CMSS1: variants seen among roughly 807,000 people sequenced by gnomAD.
CMSS1 encodes the protein protein CMSS1.
A neutral mutation model predicts 43.5 loss-of-function variants in CMSS1; 33 were observed. The observed-to-expected ratio is 0.76, with a 90% CI of 0.57 to 1.01. The LOEUF (loss-of-function observed/expected upper bound fraction) is 1.01. Ranked by LOEUF, CMSS1 falls within the 50% of genes least tolerant of loss-of-function variation. The pLI is 0.00. For synonymous variants in CMSS1, 115 were observed against 117.2 expected (o/e 0.98, Z 0.12); for missense variants, 313 against 326.4 (o/e 0.96, Z 0.32).
chr3:99,895,029 G>A (rs1267333991), intron 1 of CMSS1, among the ~76,000 whole-genome samples: 1 of 152,060 alleles, frequency 6.6e-6, no homozygotes, highest in Non-Finnish European at 1.5e-5. Context: ...GCAGCCTCAG[G>A]CCAACTAACC....
chr3:99,866,522 C>G (rs1327382952), intron 1 of CMSS1, among the ~76,000 whole-genome samples: 1 of 152,060 alleles, frequency 6.6e-6, no homozygotes. Flanking sequence ...ACATTTTGAT[C>G]CTTAGAGGAC....
chr3:100,112,147 T>C (rs1008614669), intron 1 of CMSS1, among the ~76,000 whole-genome samples: 18 of 152,238 alleles, frequency 1.2e-4, no homozygotes, highest in African/African-American at 4.3e-4. Flanking sequence ...TTACTGTGTA[T>C]TGCTGGTAGG....
intron 1 of CMSS1, among the ~76,000 whole-genome samples, chr3:100,079,055 C>T (rs936715296): frequency 1.3e-5 from 2 of 152,144 alleles, no homozygotes; most frequent in Non-Finnish European, 2.9e-5. Flanking sequence ...ATGAGGTGGG[C>T]AAGACCTCTG....
chr3:99,872,186 C>A (rs1192989291), intron 1 of CMSS1, among the ~76,000 whole-genome samples: 1 of 151,146 alleles, frequency 6.6e-6, no homozygotes, highest in Non-Finnish European at 1.5e-5. Context: ...ACATCAGTTT[C>A]TTCTGTAAAG....
At chr3:99,949,946 AT>A (rs1424854626) in intron 1 of CMSS1, among the ~76,000 whole-genome samples, 2 of 152,188 alleles carry the variant, frequency 1.3e-5, no homozygotes, top group East Asian at 3.8e-4. Flanking sequence ...CTTTATACAT[AT>A]TCTTGGATAT....
intron 1 of CMSS1, among the ~76,000 whole-genome samples, chr3:99,983,456 A>ATGTG (rs1709213536): frequency 1.0e-4 from 1 of 9,868 alleles, no homozygotes; most frequent in African/African-American, 3.8e-4. Flanking sequence ...GTATATATAT[A>ATGTG]TATGTGTGTA....
chr3:99,888,432 T>C (rs947024020), intron 1 of CMSS1, among the ~76,000 whole-genome samples: 2 of 152,122 alleles, frequency 1.3e-5, no homozygotes, highest in African/African-American at 2.4e-5. Flanking sequence ...AATTATGATT[T>C]ACCAAAGGTT....
chr3:100,118,380 TA>T (rs2066593398), intron 1 of CMSS1, among the ~76,000 whole-genome samples: 1 of 152,076 alleles, frequency 6.6e-6, no homozygotes, highest in South Asian at 2.1e-4. Flanking sequence ...ATTAGTTATT[TA>T]AGAGATTTTG....
At chr3:100,019,457 T>G (rs2064765090) in intron 1 of CMSS1, among the ~76,000 whole-genome samples, 1 of 152,206 alleles carries the variant, frequency 6.6e-6, no homozygotes, top group South Asian at 2.1e-4. Context: ...GTGATGACAT[T>G]TAAAAAATAA....
At position 99,983,430 on chromosome 3, in the gene CMSS1, ATGTATATATATGTATG is replaced by A. The variant is rs1559713508; in HGVS notation, c.65-163541_65-163526del. On this transcript the variant is annotated intron_variant, in intron 1 of 9. Coordinates refer to ENST00000421999, the MANE Select transcript of CMSS1 (RefSeq NM_032359.4). ...TATATATATATATATGTATGTATGT[ATGTATATATATGTATG>A]TATATATATATATGTGTGTATATAT... Among the ~76,000 whole-genome samples the A allele has an allele frequency of 4.3e-5, 4 of 93,774 alleles. 1 individual carries two copies. The highest frequency in any genetic ancestry group is 1.9e-4 in the African/African-American group (4 of 21,404). 61.5% of individuals were successfully genotyped at this position (93,774 alleles called of 152,430 possible).
intron 1 of CMSS1, among the ~76,000 whole-genome samples, chr3:100,005,758 T>C (rs1709969099): frequency 6.6e-6 from 1 of 152,140 alleles, no homozygotes; most frequent in East Asian, 1.9e-4. Context: ...AGGAAGAGTG[T>C]TGTGAATTCA....
Position 100,011,539 on chromosome 3 carries a change from T to C in CMSS1, c.65-135434T>C, listed in dbSNP as rs138955089. ...ATTTTATAAACTAAATACCTGACAA[T>C]TTATATCTATAAAGCCTGTTGAGAT... On this transcript the variant is annotated intron_variant, in intron 1 of 9. Coordinates refer to ENST00000421999, the MANE Select transcript of CMSS1 (RefSeq NM_032359.4). Among the ~76,000 whole-genome samples the C allele has an allele frequency of 7.3e-3, 1,107 of 152,322 alleles. 7 individuals are homozygous for C. The highest frequency in any genetic ancestry group is 0.012 in the Non-Finnish European group (806 of 68,024).
chr3:100,001,792 C>G (rs1204788308), intron 1 of CMSS1, among the ~76,000 whole-genome samples: 1 of 152,200 alleles, frequency 6.6e-6, no homozygotes, highest in Non-Finnish European at 1.5e-5. Context: ...TGCCAAGCCT[C>G]ATAAATCATT....
chr3:100,067,610 AAAG>A (rs555026535), intron 1 of CMSS1, among the ~76,000 whole-genome samples: 188 of 152,342 alleles, frequency 1.2e-3, no homozygotes, highest in African/African-American at 4.1e-3. Flanking sequence ...CCTTAGGGGG[AAAG>A]AAGAACAACT....
At chr3:100,005,096 T>C (rs1343189989) in intron 1 of CMSS1, among the ~76,000 whole-genome samples, 1 of 152,158 alleles carries the variant, frequency 6.6e-6, no homozygotes, top group Non-Finnish European at 1.5e-5. Context: ...CTCTTATGAA[T>C]AGGAAAGCCA....
intron 1 of CMSS1, among the ~76,000 whole-genome samples, chr3:99,896,073 CCTT>C (rs1252081509): frequency 6.6e-6 from 1 of 152,070 alleles, no homozygotes; most frequent in African/African-American, 2.4e-5. Context: ...GATTACACAT[CCTT>C]CTTCACATAT....
chr3:100,132,184 T>A (rs1355406539), intron 1 of CMSS1, among the ~76,000 whole-genome samples: 1 of 152,026 alleles, frequency 6.6e-6, no homozygotes, highest in East Asian at 1.9e-4. Flanking sequence ...GGCAGATTGC[T>A]TAAGGCCAGG....
intron 1 of CMSS1, among the ~76,000 whole-genome samples, chr3:100,026,924 A>G (rs1028897755): frequency 1.3e-5 from 2 of 151,868 alleles, no homozygotes; most frequent in Non-Finnish European, 1.5e-5. Context: ...CCAATAACCC[A>G]TAAGACTCTC....
In CMSS1 at chr3:99,850,340, A is replaced by G. The variant is rs569046690; in HGVS notation, c.64+32297A>G. On this transcript the variant is annotated intron_variant, in intron 1 of 9. Transcript: ENST00000421999. ...GTCATCCTTTCTTTTTCTAAATTGC[A>G]TTTCAGAGAGTAGCATTCTTGTTTG... 1.4e-4 allele frequency: 227 copies of G among 1,612,802 alleles called. 2 individuals are homozygous for G. The South Asian group carries it at 2.2e-3, about 16-fold the overall frequency.
Sources: gnomAD v4.1 joint callset for allele counts (sites outside exome capture counted in the v4.1 genomes callset) on GRCh38, gnomAD v4.1.1 for gene constraint, MANE v1.5 for transcripts, NCBI Gene and HGNC (gene_info 2026-07-23, HGNC 2026-07-21) for gene names.